Variants in SPRED1 observed in about 807,000 individuals in gnomAD.
SPRED1 encodes the protein sprouty-related, EVH1 domain-containing protein 1.
In SPRED1, 18 loss-of-function variants were observed where a neutral mutation model predicts 52.3. The ratio of observed to expected loss-of-function variants is 0.34; its 90% CI spans 0.24 to 0.51. The LOEUF is 0.51. Ranked by LOEUF, SPRED1 falls within the 20% of genes least tolerant of loss-of-function variation. The pLI, the probability that SPRED1 is intolerant of heterozygous loss-of-function variation, is 0.97. For synonymous variants in SPRED1, 155 were observed against 179.7 expected (o/e 0.86, Z 1.10); for missense variants, 485 against 551.0 (o/e 0.88, Z 1.20).
chr15:38,278,962 G>A (rs1484464795), intron 1 of SPRED1, among the ~76,000 whole-genome samples: 1 of 151,582 alleles, frequency 6.6e-6, no homozygotes, highest in African/African-American at 2.4e-5. Flanking sequence ...TGAGTAGCTG[G>A]GATTACAGGC....
At chr15:38,274,400 A>G in intron 1 of SPRED1, among the ~76,000 whole-genome samples, 1 of 152,236 alleles carries the variant, frequency 6.6e-6, no homozygotes, top group Non-Finnish European at 1.5e-5. Flanking sequence ...TTTAGAATCT[A>G]CAGAGCACCT....
At chr15:38,288,126 C>G (rs1409878228) in intron 1 of SPRED1, among the ~76,000 whole-genome samples, 1 of 152,074 alleles carries the variant, frequency 6.6e-6, no homozygotes, top group East Asian at 1.9e-4. Context: ...AGAGTTGCTT[C>G]TGGAGTCATG....
intron 2 of SPRED1, among the ~76,000 whole-genome samples, chr15:38,305,746 A>G (rs1190349920): frequency 6.6e-6 from 1 of 152,166 alleles, no homozygotes; most frequent in Non-Finnish European, 1.5e-5. Flanking sequence ...CAGATTTTCA[A>G]ATCTTCAGTA....
chr15:38,314,290 G>A (rs898217940), intron 2 of SPRED1, among the ~76,000 whole-genome samples: 2 of 151,666 alleles, frequency 1.3e-5, no homozygotes, highest in Non-Finnish European at 3.0e-5. Context: ...ATTCAGATAT[G>A]TTACTCTGAT....
chr15:38,348,986 A>C (rs1256236152), intron 5 of SPRED1, among the ~76,000 whole-genome samples: 1 of 152,152 alleles, frequency 6.6e-6, no homozygotes, highest in Non-Finnish European at 1.5e-5. Flanking sequence ...TGCAGCCATC[A>C]GCAGTATCAA....
chr15:38,272,286 T>TTTTTTTTTTGG (rs59415114), intron 1 of SPRED1, among the ~76,000 whole-genome samples: 1 of 150,680 alleles, frequency 6.6e-6, no homozygotes, highest in Non-Finnish European at 1.5e-5. Flanking sequence ...GTTTTTTTTT[T>TTTTTTTTTTGG]GAGATGAAGT....
intron 1 of SPRED1, 31 bp downstream of exon 1, chr15:38,253,248 C>G (rs201210880): frequency 9.0e-6 from 14 of 1,557,888 alleles, no homozygotes; most frequent in East Asian, 2.4e-5. Context: ...GATTGCTAAT[C>G]CCCCTCCCCC....
At chr15:38,343,584 A>C (rs189287399) in intron 5 of SPRED1, among the ~76,000 whole-genome samples, 60 of 152,274 alleles carry the variant, frequency 3.9e-4, no homozygotes, top group African/African-American at 1.3e-3. Flanking sequence ...CTAAAGTCTT[A>C]AAAGTGAGTA....
At chr15:38,288,603 G>A (rs1225991604) in intron 1 of SPRED1, among the ~76,000 whole-genome samples, 2 of 152,246 alleles carry the variant, frequency 1.3e-5, no homozygotes, top group South Asian at 2.1e-4. Flanking sequence ...AGGAAACAGC[G>A]TCTAGAGCCC....
chr15:38,320,276 G>A (rs1226830702), intron 2 of SPRED1, among the ~76,000 whole-genome samples: 1 of 152,130 alleles, frequency 6.6e-6, no homozygotes, highest in Admixed American at 6.6e-5. Context: ...CATGATCTGT[G>A]AATGAGTTCC....
At chr15:38,320,817 A>G (rs1895586329) in intron 2 of SPRED1, among the ~76,000 whole-genome samples, 4 of 152,226 alleles carry the variant, frequency 2.6e-5, no homozygotes. Flanking sequence ...GATCACTAAT[A>G]TATCCACTTT....
At chr15:38,325,241 A>T (rs1197083027) in intron 4 of SPRED1, among the ~76,000 whole-genome samples, 1 of 152,162 alleles carries the variant, frequency 6.6e-6, no homozygotes, top group Non-Finnish European at 1.5e-5. Context: ...ATTTTGTTTC[A>T]TGCACGAAAT....
chr15:38,287,020 T>C (rs1894825521), intron 1 of SPRED1, among the ~76,000 whole-genome samples: 1 of 152,178 alleles, frequency 6.6e-6, no homozygotes, highest in Non-Finnish European at 1.5e-5. Flanking sequence ...ATAGAATCTT[T>C]TTTGTATTTG....
intron 5 of SPRED1, among the ~76,000 whole-genome samples, chr15:38,340,257 C>T (rs1170989298): frequency 6.6e-6 from 1 of 152,176 alleles, no homozygotes; most frequent in African/African-American, 2.4e-5. Flanking sequence ...TGTGTTCCTA[C>T]AGAACTAAAT....
At chr15:38,340,138 A>T (rs1031561073) in intron 5 of SPRED1, among the ~76,000 whole-genome samples, 6 of 152,204 alleles carry the variant, frequency 3.9e-5, no homozygotes, top group African/African-American at 1.4e-4. Flanking sequence ...CATCACAAGC[A>T]TTCTTATTTT....
At chr15:38,287,102 A>G (rs1287191100) in intron 1 of SPRED1, among the ~76,000 whole-genome samples, 1 of 152,102 alleles carries the variant, frequency 6.6e-6, no homozygotes, top group Non-Finnish European at 1.5e-5. Context: ...TACCTCCTTA[A>G]TTCTTTATTT....
At chr15:38,261,599 A>G (rs1894207330) in intron 1 of SPRED1, among the ~76,000 whole-genome samples, 1 of 151,988 alleles carries the variant, frequency 6.6e-6, no homozygotes, top group Non-Finnish European at 1.5e-5. Context: ...TTTTAGACGG[A>G]GTCTTGCTCT....
At chr15:38,334,853 A>T (rs1157866080) in intron 4 of SPRED1, among the ~76,000 whole-genome samples, 4 of 150,254 alleles carry the variant, frequency 2.7e-5, no homozygotes, top group Admixed American at 6.7e-5. Context: ...ATATACAGTC[A>T]ATCTCTCAAA....
chr15:38,256,411 T>G (rs906464364), intron 1 of SPRED1, among the ~76,000 whole-genome samples: 1 of 152,114 alleles, frequency 6.6e-6, no homozygotes, highest in African/African-American at 2.4e-5. Flanking sequence ...TATATAATAC[T>G]TAAGAGTCTT....
Sources: allele counts gnomAD v4.1 joint callset (sites outside exome capture counted in the v4.1 genomes callset), GRCh38; gene constraint gnomAD v4.1.1; transcripts MANE v1.5; gene names NCBI Gene and HGNC (gene_info 2026-07-23, HGNC 2026-07-21).